The following GLIS3 variants were observed in gnomAD, a reference collection of about 807,000 sequenced individuals.
GLIS3 encodes the protein zinc finger protein GLIS3.
Under a neutral mutation model 78.6 loss-of-function variants are expected in GLIS3, and 53 were observed. That is an observed-to-expected ratio of 0.67 (90% CI 0.54 to 0.85). The LOEUF (loss-of-function observed/expected upper bound fraction) is 0.85, where lower values mean the gene tolerates loss of function less well. Among genes scored for constraint, GLIS3 ranks in the 40% least tolerant of loss-of-function variants. The pLI is 0.00. For synonymous variants in GLIS3, 684 were observed against 509.9 expected (o/e 1.34, Z -4.60); for missense variants, 1,703 against 1,231.1 (o/e 1.38, Z -5.74).
intron 9 of GLIS3, among the ~76,000 whole-genome samples, chr9:3,840,774 T>C (rs1038853931): frequency 6.6e-6 from 1 of 152,192 alleles, no homozygotes; most frequent in African/African-American, 2.4e-5. Flanking sequence ...AGCAAGGCCA[T>C]TTTCATCTAC....
intron 2 of GLIS3, among the ~76,000 whole-genome samples, chr9:4,135,313 T>C (rs1356084349): frequency 6.6e-6 from 1 of 152,166 alleles, no homozygotes; most frequent in African/African-American, 2.4e-5. Flanking sequence ...AAGCTCATAA[T>C]CCACCCCCGA....
At chr9:4,055,194 C>A (rs1431856082) in intron 4 of GLIS3, among the ~76,000 whole-genome samples, 1 of 152,164 alleles carries the variant, frequency 6.6e-6, no homozygotes, top group African/African-American at 2.4e-5. Context: ...ATGGAGTTGT[C>A]ATTCTTGACA....
chr9:3,883,710 G>C (rs1432245408), intron 7 of GLIS3, among the ~76,000 whole-genome samples: 2 of 152,136 alleles, frequency 1.3e-5, no homozygotes, highest in African/African-American at 4.8e-5. Context: ...GTCAACTCCG[G>C]GGTCATTACT....
chr9:4,453,361 A>AAAG, the GLIS3 span, among the ~76,000 whole-genome samples: 5 of 144,178 alleles, frequency 3.5e-5, no homozygotes, highest in South Asian at 2.1e-4. Context: ...AAAAAAAAAA[A>AAAG]AAAGAAAAAA....
chr9:4,363,362 G>A, the GLIS3 span, among the ~76,000 whole-genome samples: 2,541 of 152,290 alleles, frequency 0.017, 76 homozygotes, highest in African/African-American at 0.057. Flanking sequence ...GGCAGAGGTT[G>A]CAGTGAGCTG....
At chr9:4,288,639 AG>A (rs1828199079) in intron 1 of GLIS3, among the ~76,000 whole-genome samples, 1 of 152,226 alleles carries the variant, frequency 6.6e-6, no homozygotes, top group Non-Finnish European at 1.5e-5. Flanking sequence ...AACTTAATTA[AG>A]TATCAGGCAT....
At chr9:4,472,963 G>T in the GLIS3 span, among the ~76,000 whole-genome samples, 1 of 151,990 alleles carries the variant, frequency 6.6e-6, no homozygotes, top group Non-Finnish European at 1.5e-5. Flanking sequence ...ACATTCCTTT[G>T]GGTATATATC....
At chr9:4,399,124 C>A in the GLIS3 span, among the ~76,000 whole-genome samples, 5 of 152,138 alleles carry the variant, frequency 3.3e-5, no homozygotes, top group African/African-American at 1.2e-4. Flanking sequence ...ATAGTTAACA[C>A]TAATATGTAT....
At chr9:3,975,937 C>A (rs537924912) in intron 4 of GLIS3, among the ~76,000 whole-genome samples, 2 of 151,980 alleles carry the variant, frequency 1.3e-5, no homozygotes, top group Non-Finnish European at 2.9e-5. Context: ...AAACTAAACC[C>A]CAGGTAGGTG....
intron 4 of GLIS3, among the ~76,000 whole-genome samples, chr9:3,960,774 C>T (rs987689350): frequency 6.6e-6 from 1 of 152,164 alleles, no homozygotes; most frequent in Non-Finnish European, 1.5e-5. Context: ...CAGCACTACC[C>T]ACTGGTGCCT....
At chr9:3,930,821 C>T (rs1490248912) in intron 6 of GLIS3, among the ~76,000 whole-genome samples, 1 of 150,974 alleles carries the variant, frequency 6.6e-6, no homozygotes, top group African/African-American at 2.5e-5. Flanking sequence ...GAAGAAAACC[C>T]CCTCATCTAG....
chr9:4,264,470 T>G (rs988415085), intron 2 of GLIS3, among the ~76,000 whole-genome samples: 1 of 152,252 alleles, frequency 6.6e-6, no homozygotes. Flanking sequence ...GTTAATTCTT[T>G]ACTTAAAACC....
chr9:4,093,638 G>A lies in GLIS3; in HGVS notation c.1710+24130C>T, dbSNP rs1223071140. ...GATAAGGGGCTATAAATACTCAGAA[G>A]ACTGGATACTGGTCTTGAGGAAGCT... On this transcript the variant is annotated intron_variant, in intron 4 of 10. Coordinates refer to ENST00000381971, the MANE Select transcript of GLIS3 (RefSeq NM_001042413.2). Among the ~76,000 whole-genome samples the A allele has an allele frequency of 2.6e-5, 4 of 152,308 alleles. No individual in the cohort carries two copies. The East Asian group carries it at 7.7e-4, about 29-fold the overall frequency.
chr9:4,381,571 G>A, the GLIS3 span, among the ~76,000 whole-genome samples: 3 of 152,254 alleles, frequency 2.0e-5, no homozygotes, highest in Admixed American at 1.3e-4. Context: ...CAGCACTCAC[G>A]CACATTTTGG....
intron 2 of GLIS3, among the ~76,000 whole-genome samples, chr9:4,127,206 C>G (rs1832640543): frequency 1.3e-5 from 2 of 152,100 alleles, no homozygotes; most frequent in Admixed American, 6.5e-5. Context: ...CACTAAAATC[C>G]AAGTGGTAAT....
the GLIS3 span, among the ~76,000 whole-genome samples, chr9:4,467,673 A>T: frequency 1.3e-5 from 2 of 152,162 alleles, no homozygotes; most frequent in Non-Finnish European, 2.9e-5. Flanking sequence ...AACCACAAAG[A>T]TGGGGAGAAA....
chr9:4,058,866 C>T (rs1229538764), intron 4 of GLIS3, among the ~76,000 whole-genome samples: 1 of 151,788 alleles, frequency 6.6e-6, no homozygotes, highest in East Asian at 1.9e-4. Flanking sequence ...CCTGTAATCC[C>T]AGCTACTGAG....
chr9:4,090,796 C>T (rs10974328), intron 4 of GLIS3, among the ~76,000 whole-genome samples: 117,710 of 152,156 alleles, frequency 0.77, 47,679 homozygotes, highest in East Asian at 0.96. Context: ...CACCCTCTGT[C>T]AACTGCTACT....
At chr9:3,953,791 C>CTATATATA (rs1401426160) in intron 4 of GLIS3, among the ~76,000 whole-genome samples, 1 of 48,000 alleles carries the variant, frequency 2.1e-5, no homozygotes, top group Non-Finnish European at 4.6e-5. Context: ...CTCTCTCTCT[C>CTATATATA]TCTCTATATA....
Sources: gnomAD v4.1 joint callset for allele counts (sites outside exome capture counted in the v4.1 genomes callset) on GRCh38, gnomAD v4.1.1 for gene constraint, MANE v1.5 for transcripts, NCBI Gene and HGNC (gene_info 2026-07-23, HGNC 2026-07-21) for gene names.